Variants in RUNX1T1 observed in about 807,000 individuals in gnomAD.
RUNX1T1 encodes protein CBFA2T1.
Under a neutral mutation model 62.8 loss-of-function variants are expected in RUNX1T1, and 4 were observed. The observed-to-expected ratio is 0.06, with a 90% CI of 0.03 to 0.15. The LOEUF is 0.15. Ranked by LOEUF, RUNX1T1 falls within the 10% of genes least tolerant of loss-of-function variation. The pLI is 1.00. For missense variants in RUNX1T1, 508 were observed against 754.3 expected (o/e 0.67, Z 3.82); for synonymous variants, 291 against 286.0 (o/e 1.02, Z -0.18).
chr8:91,977,142 A>T (rs977895768), intron 8 of RUNX1T1: 2 of 197,168 alleles, frequency 1.0e-5, no homozygotes, highest in Non-Finnish European at 2.1e-5. Context: ...AATGCTTTGA[A>T]TTCTTGCAGG....
intron 8 of RUNX1T1, chr8:91,977,493 A>G: frequency 5.2e-6 from 1 of 191,796 alleles, no homozygotes; most frequent in Non-Finnish European, 1.1e-5. Flanking sequence ...GAAATGTGAT[A>G]CAGCTAATTA....
intron 3 of RUNX1T1, 83 bp from the exon 5 acceptor site, chr8:92,011,174 T>G: frequency 1.3e-6 from 1 of 741,280 alleles, no homozygotes; most frequent in East Asian, 2.6e-5. Flanking sequence ...TTAAGACTGG[T>G]ACAACACAGT....
chr8:91,967,457 C>T (rs187596550), intron 10 of RUNX1T1, among the ~76,000 whole-genome samples: 38 of 151,980 alleles, frequency 2.5e-4, no homozygotes, highest in Admixed American at 2.3e-3. Flanking sequence ...TCTCCCCAGT[C>T]AAATGTTCTC....
upstream of RUNX1T1, among the ~76,000 whole-genome samples, chr8:92,100,078 C>T (rs1407319581): frequency 6.6e-6 from 1 of 152,052 alleles, no homozygotes; most frequent in African/African-American, 2.4e-5. Flanking sequence ...GCTGCAGTCC[C>T]ATAGCTGCAA....
rs200798933 is a variant in RUNX1T1, at chr8:91,996,189, TA to T, written c.660-4301del. On this transcript the variant is annotated intron_variant, in intron 5 of 10. Coordinates refer to ENST00000396218, the Ensembl canonical transcript of RUNX1T1. ...TGAAAGTTTTATTTTATTTGTTTTT[TA>T]TTTTTTTTATTTTTATTTTTACTTT... 9.2e-3 allele frequency among the ~76,000 whole-genome samples: 1,402 copies of T among 152,214 alleles called. 15 individuals carry two copies. Among genetic ancestry groups the T allele is most frequent in the African/African-American group, 0.032 (1,319 of 41,528 alleles).
At chr8:91,961,161 G>A (rs1810367079) in intron 10 of RUNX1T1, among the ~76,000 whole-genome samples, 1 of 152,196 alleles carries the variant, frequency 6.6e-6, no homozygotes, top group African/African-American at 2.4e-5. Context: ...CAGCTCCCTG[G>A]AGGACAGGAT....
chr8:92,062,418 AC>A (rs1350649888), intron 1 of RUNX1T1: 53 of 1,011,266 alleles, frequency 5.2e-5, no homozygotes, highest in Non-Finnish European at 7.0e-5. Context: ...CACCTCTGTC[AC>A]CCCCAGCCTC....
chr8:92,040,601 C>T (rs1828260506), intron 1 of RUNX1T1, among the ~76,000 whole-genome samples: 1 of 152,222 alleles, frequency 6.6e-6, no homozygotes, highest in African/African-American at 2.4e-5. Flanking sequence ...CTTCCCTGAA[C>T]CAACTGGGAG....
intron 8 of RUNX1T1, among the ~76,000 whole-genome samples, chr8:91,984,796 C>T (rs1254418399): frequency 1.3e-5 from 2 of 152,136 alleles, no homozygotes; most frequent in African/African-American, 4.8e-5. Context: ...TTGGCTTCGA[C>T]CAATATTGGC....
In RUNX1T1 at chr8:92,004,863, G is replaced by A. The variant is rs1280253966; in HGVS notation, c.659+253C>T. The A allele has an allele frequency of 2.2e-5, 8 of 357,126 alleles. No homozygotes were observed. The South Asian group carries it at 2.6e-4, about 12-fold the overall frequency. 22.1% of individuals were successfully genotyped at this position (357,126 alleles called of 1,614,324 possible). A position where few individuals can be genotyped will look rare whatever the true frequency, so the allele number is the denominator to read the frequency against. ...ACTTGGCAAATCAGAAAAATCATTC[G>A]TCTTCACCATTTCGCTTTAATACTA... On this transcript the variant is annotated intron_variant, in intron 5 of 10. Transcript: ENST00000396218.
intron 1 of RUNX1T1, chr8:92,095,690 A>C: frequency 2.0e-6 from 1 of 506,764 alleles, no homozygotes; most frequent in Non-Finnish European, 3.0e-6. Context: ...GGAGGGATGG[A>C]GGAGGGGGCG....
intron 5 of RUNX1T1, among the ~76,000 whole-genome samples, chr8:92,002,149 C>A (rs1216654821): frequency 1.3e-5 from 2 of 152,068 alleles, no homozygotes; most frequent in Non-Finnish European, 2.9e-5. Context: ...TCAGAATTTT[C>A]TACTTACTTT....
chr8:91,986,286 G>A lies in RUNX1T1; in HGVS notation c.1036C>T (p.Arg346Ter). The A allele has an allele frequency of 6.2e-7, 1 of 1,613,836 alleles. No individual in the cohort carries two copies. The highest frequency in any genetic ancestry group is 8.5e-7 in the Non-Finnish European group (1 of 1,179,860). The change falls in exon 8 of 11, where the codon CGA becomes TGA. Residue 346 changes from arginine to a stop codon, truncating the protein, a stop_gained. Coordinates refer to ENST00000396218, the Ensembl canonical transcript of RUNX1T1. LOFTEE classifies it high-confidence loss of function. ...CACCGCCTTAGTACGGTGAGAGATC[G>A]CCTTGTTTTTTCTACCATGTCCATT...
chr8:91,972,355 T>C (rs989887958), intron 9 of RUNX1T1, among the ~76,000 whole-genome samples: 1 of 152,170 alleles, frequency 6.6e-6, no homozygotes, highest in African/African-American at 2.4e-5. Flanking sequence ...TTGCAATTAC[T>C]GTCTGCTAGG....
At chr8:91,960,118 A>G in exon 11 of RUNX1T1, 3 of 1,004,228 alleles carry the variant, frequency 3.0e-6, no homozygotes, top group Non-Finnish European at 4.4e-6. Context: ...TTGCTGAAGT[A>G]CTGAAATAGG....
upstream of RUNX1T1, among the ~76,000 whole-genome samples, chr8:92,100,206 C>A (rs1393814221): frequency 6.6e-6 from 1 of 152,018 alleles, no homozygotes; most frequent in Admixed American, 6.6e-5. Flanking sequence ...TATTAACGGA[C>A]CACAGAGACT....
chr8:91,975,833 C>T, intron 9 of RUNX1T1, 72 bp downstream of exon 10: 2 of 973,972 alleles, frequency 2.1e-6, no homozygotes, highest in Non-Finnish European at 3.3e-6. Context: ...TCTTGTCATT[C>T]CTCACATCAC....
At chr8:91,997,260 G>A (rs1420740063) in intron 5 of RUNX1T1, among the ~76,000 whole-genome samples, 2 of 152,080 alleles carry the variant, frequency 1.3e-5, no homozygotes, top group Non-Finnish European at 2.9e-5. Context: ...AGGAAACGGG[G>A]AAGTATGAAA....
intron 10 of RUNX1T1, 137 bp from the exon 12 acceptor site, chr8:91,960,654 G>A (rs534170865): frequency 4.5e-5 from 40 of 898,364 alleles, no homozygotes; most frequent in Non-Finnish European, 5.9e-5. Context: ...AGGTGTTCAC[G>A]TATGGATACA....
Sources: gnomAD v4.1 joint callset for allele counts (sites outside exome capture counted in the v4.1 genomes callset) on GRCh38, gnomAD v4.1.1 for gene constraint, MANE v1.5 for transcripts, NCBI Gene and HGNC (gene_info 2026-07-23, HGNC 2026-07-21) for gene names.